The following LAMA3 variants were observed in gnomAD, a reference collection of about 807,000 sequenced individuals.
LAMA3 encodes the protein laminin subunit alpha 3.
In LAMA3, 281 loss-of-function variants were observed where a neutral mutation model predicts 402.0. The observed-to-expected ratio is 0.70, with a 90% CI of 0.63 to 0.77. The LOEUF (loss-of-function observed/expected upper bound fraction) is 0.77. LAMA3 is among the 30% of genes least tolerant of loss of function. The pLI is 0.00. For synonymous variants in LAMA3, 1,431 were observed against 1,558.4 expected (o/e 0.92, Z 1.93); for missense variants, 3,840 against 4,215.5 (o/e 0.91, Z 2.47).
intron 12 of LAMA3, among the ~76,000 whole-genome samples, chr18:23,789,495 C>T (rs904695514): frequency 1.2e-4 from 19 of 152,114 alleles, no homozygotes; most frequent in African/African-American, 3.4e-4. Context: ...TAAAAAGGAA[C>T]GAAGTACTTA....
intron 2 of LAMA3, among the ~76,000 whole-genome samples, chr18:23,721,789 G>A (rs2061217988): frequency 6.6e-6 from 1 of 152,122 alleles, no homozygotes; most frequent in South Asian, 2.1e-4. Context: ...TCTTCTAACT[G>A]ATTTCCCAGC....
chr18:23,697,800 T>A (rs1046981427), intron 1 of LAMA3, among the ~76,000 whole-genome samples: 11 of 148,940 alleles, frequency 7.4e-5, no homozygotes, highest in Non-Finnish European at 1.6e-4. Flanking sequence ...CGGACTGCCA[T>A]AACAAAGTAC....
At chr18:23,744,691 G>C (rs893783176) in intron 2 of LAMA3, among the ~76,000 whole-genome samples, 1 of 151,852 alleles carries the variant, frequency 6.6e-6, no homozygotes, top group Admixed American at 6.6e-5. Context: ...AATTAGCCGG[G>C]CGTGGTGGCA....
chr18:23,793,843 C>A (rs1598806075), intron 12 of LAMA3, among the ~76,000 whole-genome samples: 1 of 152,220 alleles, frequency 6.6e-6, no homozygotes, highest in East Asian at 1.9e-4. Context: ...CCTTCCCTCA[C>A]CATCAGTTGC....
At chr18:23,758,318 T>A in intron 6 of LAMA3, 78 bp from the exon 7 acceptor site, 1 of 987,948 alleles carries the variant, frequency 1.0e-6, no homozygotes. Flanking sequence ...GACTCGTGTG[T>A]CAGGTTCGCA....
intron 44 of LAMA3, among the ~76,000 whole-genome samples, chr18:23,897,412 GA>G (rs887572913): frequency 6.6e-5 from 10 of 152,006 alleles, no homozygotes; most frequent in Admixed American, 1.3e-4. Flanking sequence ...GTCTTGAGGG[GA>G]AAAAAAAGGA....
chr18:23,740,359 C>T (rs756266238), intron 2 of LAMA3, among the ~76,000 whole-genome samples: 11 of 152,088 alleles, frequency 7.2e-5, no homozygotes, highest in Admixed American at 1.3e-4. Context: ...AAAGTTTATA[C>T]GTATAAAATC....
At chr18:23,836,707 C>G (rs768736631) in intron 24 of LAMA3, among the ~76,000 whole-genome samples, 3 of 152,076 alleles carry the variant, frequency 2.0e-5, no homozygotes, top group African/African-American at 7.2e-5. Context: ...CCCTTTCTCT[C>G]GAGGACTAAA....
intron 8 of LAMA3, among the ~76,000 whole-genome samples, chr18:23,764,893 G>T (rs1336191047): frequency 6.6e-6 from 1 of 152,146 alleles, no homozygotes; most frequent in African/African-American, 2.4e-5. Flanking sequence ...CCCTCCCATG[G>T]AGGATTGGTC....
At chr18:23,864,322 G>A (rs2064299016) in intron 35 of LAMA3, among the ~76,000 whole-genome samples, 1 of 151,542 alleles carries the variant, frequency 6.6e-6, no homozygotes, top group Non-Finnish European at 1.5e-5. Flanking sequence ...AAACTCCTGG[G>A]CTCAAGCGAT....
chr18:23,727,981 G>A (rs1447066278), intron 2 of LAMA3, among the ~76,000 whole-genome samples: 1 of 152,076 alleles, frequency 6.6e-6, no homozygotes, highest in Non-Finnish European at 1.5e-5. Context: ...TGATCCTCCT[G>A]CCTCGGCCTC....
At chr18:23,791,649 G>A (rs764648060) in intron 12 of LAMA3, among the ~76,000 whole-genome samples, 2 of 150,062 alleles carry the variant, frequency 1.3e-5, no homozygotes, top group Non-Finnish European at 3.0e-5. Flanking sequence ...TGGGAAAATC[G>A]CTTGAATCTG....
At position 23,751,027 on chromosome 18, in the gene LAMA3, C is replaced by G. The variant is rs533571545; in HGVS notation, c.794C>G (p.Thr265Ser). The G allele has an allele frequency of 1.4e-5, 22 of 1,614,142 alleles. No individual in the cohort carries two copies. The South Asian group carries it at 2.2e-4, about 16-fold the overall frequency. ...ATNIRLRFLRTNTLLGHLISK... is the reference protein window; with the variant it reads ...ATNIRLRFLRSNTLLGHLISK... ...AACATCCGCTTGCGTTTTCTTAGAA[C>G]CAATACGCTTCTTGGACACCTCATC... Residue 265 changes from threonine (T) to serine (S), a missense_variant, in exon 5 of 75, where the codon ACC (threonine) becomes AGC (serine). Physicochemically the swap from Thr to Ser is moderately conservative, Grantham distance 58 (BLOSUM62 1). Around this residue, in one of 3 missense-constraint regions of LAMA3, gnomAD observed 2,109 missense variants for 2,376.0 expected, o/e 0.89. Transcript: ENST00000313654.
intron 12 of LAMA3, among the ~76,000 whole-genome samples, chr18:23,792,413 A>AAG (rs1178321272): frequency 6.6e-6 from 1 of 152,144 alleles, no homozygotes; most frequent in Non-Finnish European, 1.5e-5. Flanking sequence ...GACAGGATGC[A>AAG]AGAGAGAGAG....
At chr18:23,788,141 GAC>G (rs1180614037) in intron 12 of LAMA3, among the ~76,000 whole-genome samples, 13 of 151,790 alleles carry the variant, frequency 8.6e-5, no homozygotes, top group South Asian at 2.1e-4. Context: ...AGTTTATAAA[GAC>G]ACTCTATAAA....
intron 68 of LAMA3, among the ~76,000 whole-genome samples, chr18:23,942,665 C>T (rs2082566585): frequency 6.6e-6 from 1 of 151,882 alleles, no homozygotes; most frequent in African/African-American, 2.4e-5. Flanking sequence ...ACAACCTCCA[C>T]CTCCTGGGTT....
At chr18:23,925,164 C>T (rs2081968511) in intron 62 of LAMA3, among the ~76,000 whole-genome samples, 1 of 152,160 alleles carries the variant, frequency 6.6e-6, no homozygotes, top group African/African-American at 2.4e-5. Context: ...ATGGAGGGAC[C>T]TTTTAGACAA....
intron 2 of LAMA3, among the ~76,000 whole-genome samples, chr18:23,744,138 A>G (rs1017557656): frequency 6.6e-6 from 1 of 152,192 alleles, no homozygotes; most frequent in African/African-American, 2.4e-5. Flanking sequence ...TTATGAGACC[A>G]CTCACTCTGC....
At chr18:23,921,681 C>A in intron 62 of LAMA3, 96 bp downstream of exon 62, 1 of 1,182,766 alleles carries the variant, frequency 8.5e-7, no homozygotes, top group Non-Finnish European at 1.2e-6. Flanking sequence ...ATTCCACCAA[C>A]AAACAAACAC....
Sources: allele counts gnomAD v4.1 joint callset (sites outside exome capture counted in the v4.1 genomes callset), GRCh38; gene constraint gnomAD v4.1.1; regional missense constraint gnomAD v4.1.1; transcripts MANE v1.5; gene names NCBI Gene and HGNC (gene_info 2026-07-23, HGNC 2026-07-21).